Variants in TMEM135 observed in about 807,000 individuals in gnomAD.
TMEM135 encodes the protein peroxisomal membrane protein 52.
Under a neutral mutation model 60.3 loss-of-function variants are expected in TMEM135, and 30 were observed. The observed-to-expected ratio is 0.50, with a 90% CI of 0.37 to 0.68. The LOEUF is 0.68. Among genes scored for constraint, TMEM135 ranks in the 30% least tolerant of loss-of-function variants. The pLI, the probability that TMEM135 is intolerant of heterozygous loss-of-function variation, is 0.00. For missense variants in TMEM135, 468 were observed against 548.8 expected (o/e 0.85, Z 1.47); for synonymous variants, 190 against 186.7 (o/e 1.02, Z -0.14).
chr11:87,202,307 T>TAAGCCGC (rs1242363901), intron 5 of TMEM135, among the ~76,000 whole-genome samples: 4 of 152,154 alleles, frequency 2.6e-5, no homozygotes, highest in African/African-American at 9.7e-5. Context: ...ATTACAGGCG[T>TAAGCCGC]AAGCCGCCAT....
At chr11:87,140,241 G>A (rs1365205414) in intron 4 of TMEM135, among the ~76,000 whole-genome samples, 1 of 151,676 alleles carries the variant, frequency 6.6e-6, no homozygotes, top group Non-Finnish European at 1.5e-5. Flanking sequence ...CTAATTTTTT[G>A]TATTTTTAGT....
rs568512945 is a variant in TMEM135, at chr11:87,170,458, G to A, written c.462+13052G>A. Among the ~76,000 whole-genome samples, 44 of 152,266 alleles carry A rather than the reference G, an allele frequency of 2.9e-4. 1 individual carries two copies. Among genetic ancestry groups the A allele is most frequent in the Admixed American group, 2.5e-3 (38 of 15,288 alleles). On this transcript the variant is annotated intron_variant, in intron 5 of 14. Coordinates refer to ENST00000305494, the MANE Select transcript of TMEM135 (RefSeq NM_022918.4). ...TGTTCTTTGATGTTGGTGACCTTCC[G>A]ATGGGGTTTCTGTGTGGACATCCTT...
intron 6 of TMEM135, among the ~76,000 whole-genome samples, chr11:87,249,377 A>T (rs900912049): frequency 6.6e-6 from 1 of 152,122 alleles, no homozygotes; most frequent in African/African-American, 2.4e-5. Flanking sequence ...CATAGTTTAT[A>T]TGATGTATCA....
chr11:87,290,313 C>T (rs1047788582), intron 6 of TMEM135, among the ~76,000 whole-genome samples: 6 of 152,084 alleles, frequency 3.9e-5, no homozygotes, highest in Non-Finnish European at 7.4e-5. Context: ...GAACATCACC[C>T]ATCATTAAAA....
rs1318681757 is a variant in TMEM135, at chr11:87,135,511, G to A, written c.397-21830G>A. 2.3e-4 allele frequency among the ~76,000 whole-genome samples: 13 copies of A among 56,038 alleles called. No individual in the cohort carries two copies. The Admixed American group carries it at 2.7e-3, about 11-fold the overall frequency. The allele number at this position is 56,038 out of a possible 152,430, so 36.8% of individuals were successfully genotyped here. On this transcript the variant is annotated intron_variant, in intron 4 of 14. Transcript: ENST00000305494. ...AGTTCATCTTTTTTTTTTTTTTAACGGAATTACGTTTGCACTATTGTTGAA... is the reference window on the plus strand; with the variant it reads ...AGTTCATCTTTTTTTTTTTTTTAACAGAATTACGTTTGCACTATTGTTGAA...
intron 4 of TMEM135, among the ~76,000 whole-genome samples, chr11:87,093,574 G>T (rs1857257452): frequency 6.6e-6 from 1 of 151,462 alleles, no homozygotes. Flanking sequence ...TCTGTCACCC[G>T]GGCTGGAATG....
chr11:87,056,594 A>T (rs150487553), intron 1 of TMEM135, among the ~76,000 whole-genome samples: 213 of 152,342 alleles, frequency 1.4e-3, no homozygotes, highest in African/African-American at 4.0e-3. Flanking sequence ...TAATGTGTTG[A>T]AGTGCAGTTT....
In TMEM135 at chr11:87,327,948, A is replaced by G. The variant is rs1942938356; in HGVS notation, c.*6615A>G. 1 of 453,890 alleles carries G rather than the reference A, an allele frequency of 2.2e-6. No individual in the cohort carries two copies. Among genetic ancestry groups the G allele is most frequent in the Non-Finnish European group, 4.4e-6 (1 of 226,740 alleles). 28.1% of individuals were successfully genotyped at this position (453,890 alleles called of 1,614,324 possible). A position where few individuals can be genotyped will look rare whatever the true frequency, so the allele number is the denominator to read the frequency against. ...CAGTGGATTGGAGGTGCCTGCCCAT[A>G]TTGAGGGCAGATCTTCTCTGCCTAG... is the stretch of plus-strand genomic sequence containing the variant. On this transcript the variant is annotated 3_prime_UTR_variant, in exon 15 of 15. Coordinates refer to ENST00000305494, the MANE Select transcript of TMEM135 (RefSeq NM_022918.4).
At chr11:87,244,969 T>C (rs1941230777) in intron 6 of TMEM135, among the ~76,000 whole-genome samples, 1 of 151,746 alleles carries the variant, frequency 6.6e-6, no homozygotes, top group Non-Finnish European at 1.5e-5. Flanking sequence ...ATCTTTCCTG[T>C]TTTCTCTTGT....
chr11:87,220,174 G>A (rs1940586858), intron 5 of TMEM135, among the ~76,000 whole-genome samples: 1 of 152,174 alleles, frequency 6.6e-6, no homozygotes, highest in South Asian at 2.1e-4. Flanking sequence ...TGTATGCTTA[G>A]GATAGCTCAG....
chr11:87,071,407 T>C, intron 2 of TMEM135, 116 bp from the exon 3 acceptor site: 1 of 758,192 alleles, frequency 1.3e-6, no homozygotes, highest in Non-Finnish European at 2.3e-6. Flanking sequence ...TATGTTTATT[T>C]TGAGGTAGTG....
chr11:87,170,185 C>G lies in TMEM135; in HGVS notation c.462+12779C>G, dbSNP rs1007823835. 2.0e-5 allele frequency among the ~76,000 whole-genome samples: 3 copies of G among 152,278 alleles called. No individual in the cohort carries two copies. In the East Asian group the frequency reaches 5.8e-4, roughly 29 times the overall value. On this transcript the variant is annotated intron_variant, in intron 5 of 14. Coordinates refer to ENST00000305494, the MANE Select transcript of TMEM135 (RefSeq NM_022918.4). Reference sequence around the variant, plus strand: ...CTGGTTATTCTAGTTAGCAATTCCTCTAACCTTTTTTCATGGTTTTTAGCT... The same window carrying G: ...CTGGTTATTCTAGTTAGCAATTCCTGTAACCTTTTTTCATGGTTTTTAGCT...
intron 3 of TMEM135, among the ~76,000 whole-genome samples, chr11:87,078,359 C>T (rs568491368): frequency 3.9e-5 from 6 of 152,130 alleles, no homozygotes; most frequent in South Asian, 4.1e-4. Context: ...AGTTTTTGAT[C>T]ATTTACATAT....
At chr11:87,205,500 A>T (rs905663834) in intron 5 of TMEM135, among the ~76,000 whole-genome samples, 13 of 152,202 alleles carry the variant, frequency 8.5e-5, no homozygotes, top group South Asian at 2.1e-4. Context: ...CTAGAGTCAA[A>T]ACTCATAGTT....
chr11:87,298,676 G>T (rs1179658998), intron 7 of TMEM135, among the ~76,000 whole-genome samples: 1 of 151,050 alleles, frequency 6.6e-6, no homozygotes, highest in Admixed American at 6.6e-5. Flanking sequence ...AATTCCAGAT[G>T]CTTGGGAGGC....
chr11:87,211,892 C>G (rs149536321), intron 5 of TMEM135, among the ~76,000 whole-genome samples: 15 of 151,606 alleles, frequency 9.9e-5, no homozygotes, highest in African/African-American at 1.9e-4. Context: ...TGCAGTGAGC[C>G]GAGACCACGC....
At chr11:87,208,757 A>G (rs1940295334) in intron 5 of TMEM135, among the ~76,000 whole-genome samples, 1 of 152,220 alleles carries the variant, frequency 6.6e-6, no homozygotes, top group Admixed American at 6.5e-5. Context: ...TCCAAGACAT[A>G]TAGTCATCAG....
chr11:87,161,588 C>T (rs1278063636), intron 5 of TMEM135, among the ~76,000 whole-genome samples: 2 of 152,060 alleles, frequency 1.3e-5, no homozygotes, highest in Non-Finnish European at 2.9e-5. Flanking sequence ...AACCCTGCTT[C>T]TTAATTAAAT....
Position 87,189,031 on chromosome 11 carries a change from A to T in TMEM135, c.462+31625A>T, listed in dbSNP as rs552273106. ...ACATTTGGGTTGTGTTCAATATTTC[A>T]TGTCTGTAATAATGCTATTCCTTAC... is the stretch of plus-strand genomic sequence containing the variant. On this transcript the variant is annotated intron_variant, in intron 5 of 14. Transcript: ENST00000305494. Among the ~76,000 whole-genome samples the T allele has an allele frequency of 1.6e-3, 249 of 151,778 alleles. 1 individual carries two copies. Among genetic ancestry groups the T allele is most frequent in the African/African-American group, 5.8e-3 (242 of 41,384 alleles).
Sources: gnomAD v4.1 joint callset for allele counts (sites outside exome capture counted in the v4.1 genomes callset) on GRCh38, gnomAD v4.1.1 for gene constraint, MANE v1.5 for transcripts, NCBI Gene and HGNC (gene_info 2026-07-23, HGNC 2026-07-21) for gene names.